Variants in ZBTB40 observed in about 807,000 individuals in gnomAD.
The protein encoded by ZBTB40 is zinc finger and BTB domain-containing protein 40.
In ZBTB40, 60 loss-of-function variants were observed where a neutral mutation model predicts 117.5. That is an observed-to-expected ratio of 0.51 (90% confidence interval 0.41 to 0.63). ZBTB40 has a LOEUF of 0.63. Among genes scored for constraint, ZBTB40 ranks in the 30% least tolerant of loss-of-function variants. The pLI, the probability that ZBTB40 is intolerant of heterozygous loss-of-function variation, is 0.00. For synonymous variants in ZBTB40, 525 were observed against 577.1 expected, an observed-to-expected ratio of 0.91 and a Z score of 1.29; for missense variants, 1,287 against 1,498.5, an observed-to-expected ratio of 0.86 and a Z score of 2.33.
intron 1 of ZBTB40, among the ~76,000 whole-genome samples, chr1:22,433,628 G>T (rs897496328): frequency 2.7e-5 from 4 of 146,338 alleles, no homozygotes; most frequent in African/African-American, 1.0e-4. Context: ...GATATACGGG[G>T]GTGGAGGGTT....
At chr1:22,454,308 A>AT (rs1301100670) in intron 1 of ZBTB40, among the ~76,000 whole-genome samples, 1 of 152,228 alleles carries the variant, frequency 6.6e-6, no homozygotes, top group African/African-American at 2.4e-5. Context: ...AGGTCCTGTG[A>AT]TTACCAGGGT....
chr1:22,469,028 T>C (rs1641336407), intron 1 of ZBTB40, among the ~76,000 whole-genome samples: 1 of 151,886 alleles, frequency 6.6e-6, no homozygotes, highest in Admixed American at 6.6e-5. Context: ...GGAGTGTCAC[T>C]ATGTTGCCCA....
intron 1 of ZBTB40, among the ~76,000 whole-genome samples, chr1:22,438,005 C>T (rs891302942): frequency 6.6e-5 from 10 of 152,146 alleles, no homozygotes; most frequent in Non-Finnish European, 1.3e-4. Flanking sequence ...TGGTACATGC[C>T]GGTAATCCCA....
At chr1:22,488,380 C>A (rs530959902) in intron 1 of ZBTB40, among the ~76,000 whole-genome samples, 1 of 152,058 alleles carries the variant, frequency 6.6e-6, no homozygotes, top group African/African-American at 2.4e-5. Context: ...GACGAAGGAG[C>A]GGGATGTTCT....
intron 14 of ZBTB40, among the ~76,000 whole-genome samples, chr1:22,520,616 G>A (rs1639496894): frequency 6.6e-6 from 1 of 152,172 alleles, no homozygotes; most frequent in Admixed American, 6.5e-5. Flanking sequence ...GCGGCAATGG[G>A]GAGTGGAACA....
rs112275864 is a variant in ZBTB40 at position 22,521,094 on chromosome 1, C to T, written c.3049-402C>T. On this transcript the variant is annotated intron_variant, in intron 14 of 17. Transcript: ENST00000375647. ...CCCTGGGAAGCCGTGAGATGCAGCTCACTGGTAAAGCACACAGGTGTTACA... is the reference window on the plus strand; with the variant it reads ...CCCTGGGAAGCCGTGAGATGCAGCTTACTGGTAAAGCACACAGGTGTTACA... 1.5e-3 allele frequency among the ~76,000 whole-genome samples: 229 copies of T among 152,380 alleles called. 1 individual carries two copies. Among genetic ancestry groups the T allele is most frequent in the African/African-American group, 5.2e-3 (218 of 41,596 alleles).
In ZBTB40 at chr1:22,437,370, CT is replaced by C. The variant is rs547016752; in HGVS notation, c.-70+8366del. ...CAGTCATGTTGGAGGAGTGCACATA[CT>C]TTTTTTTTTCGATTTTTTTATTGTG... On this transcript the variant is annotated intron_variant, in intron 1 of 8. Transcript: ENST00000650433. Among the ~76,000 whole-genome samples the C allele has an allele frequency of 9.4e-3, 1,384 of 147,510 alleles. 17 individuals carry two copies. The highest frequency in any genetic ancestry group is 0.033 in the African/African-American group (1,312 of 40,092).
intron 9 of ZBTB40, among the ~76,000 whole-genome samples, chr1:22,509,761 C>G (rs1281206086): frequency 6.6e-6 from 1 of 152,222 alleles, no homozygotes. Context: ...GACAAGGGTT[C>G]TCAGGCCCCA....
In ZBTB40 at chr1:22,509,166, T is replaced by TC; in HGVS notation, c.1768dup (p.Gln590ProfsTer5). ...CATAACCAGTTGATCTTGGAGGCCA[T>TC]CCAACAGAAGATTGAGTACAAGCTC... On this transcript the variant is annotated frameshift_variant, in exon 9 of 18. Coordinates refer to ENST00000375647, the MANE Select transcript of ZBTB40 (RefSeq NM_014870.4). LOFTEE classifies it high-confidence loss of function. The TC allele has an allele frequency of 6.2e-7, 1 of 1,614,088 alleles. No individual in the cohort carries two copies. Among genetic ancestry groups the TC allele is most frequent in the Non-Finnish European group, 8.5e-7 (1 of 1,180,020 alleles).
At chr1:22,481,986 T>C (rs1281353622) in intron 1 of ZBTB40, among the ~76,000 whole-genome samples, 2 of 151,852 alleles carry the variant, frequency 1.3e-5, no homozygotes, top group South Asian at 2.1e-4. Flanking sequence ...TTAAATCTTA[T>C]GGAATTTTCC....
At position 22,524,243 on chromosome 1, in the gene ZBTB40, C is replaced by T. The variant is rs2124476037; in HGVS notation, c.3324C>T (p.Tyr1108=). ...HSGSQPFRCL[Y]CAATFRFPGA... ...GGTCCCAGCCATTCCGGTGCTTGTA[C>T]TGTGCTGCTACTTTCCGTTTTCCTG... Residue 1108 remains tyrosine, a synonymous_variant, in exon 17 of 18, where the codon TAC becomes TAT. Coordinates refer to ENST00000375647, the MANE Select transcript of ZBTB40 (RefSeq NM_014870.4). 1 of 1,614,208 alleles carries T rather than the reference C, an allele frequency of 6.2e-7. No individual in the cohort carries two copies. The highest frequency in any genetic ancestry group is 8.5e-7 in the Non-Finnish European group (1 of 1,180,030).
chr1:22,450,609 G>A (rs1382128180), upstream of ZBTB40, among the ~76,000 whole-genome samples: 2 of 152,186 alleles, frequency 1.3e-5, no homozygotes, highest in Non-Finnish European at 2.9e-5. Flanking sequence ...AACAGAAAGG[G>A]CAACAGCTGG....
rs563680356 is a variant in ZBTB40, at chr1:22,444,180, C to T, written c.-70+15166C>T. ...GTAATCCCAGCACTTTGGGAGGCCA[C>T]GGCAAGTGGATCACTTGAGGTCAGG... On this transcript the variant is annotated intron_variant, in intron 1 of 8. Transcript: ENST00000650433. Among the ~76,000 whole-genome samples, 34 of 152,178 alleles carry T rather than the reference C, an allele frequency of 2.2e-4. No individual in the cohort carries two copies. The East Asian group carries it at 3.3e-3, about 15-fold the overall frequency.
At chr1:22,459,229 G>A (rs536473910) in intron 1 of ZBTB40, among the ~76,000 whole-genome samples, 5 of 152,122 alleles carry the variant, frequency 3.3e-5, no homozygotes, top group African/African-American at 9.6e-5. Flanking sequence ...CAGTCTTACC[G>A]TGTATTGCTT....
intron 1 of ZBTB40, among the ~76,000 whole-genome samples, chr1:22,437,872 T>TA (rs1553128476): frequency 1.3e-5 from 2 of 151,856 alleles, no homozygotes; most frequent in African/African-American, 2.4e-5. Flanking sequence ...ACGCCTGTAA[T>TA]CCAGCACTTT....
intron 12 of ZBTB40, among the ~76,000 whole-genome samples, chr1:22,515,442 A>G (rs921954140): frequency 6.6e-6 from 1 of 152,222 alleles, no homozygotes; most frequent in Non-Finnish European, 1.5e-5. Flanking sequence ...ATTCTGGAGG[A>G]TAGCAATCCA....
intron 6 of ZBTB40, 102 bp downstream of exon 6, chr1:22,506,343 A>G (rs1393886269): frequency 2.6e-6 from 3 of 1,173,108 alleles, no homozygotes; most frequent in Non-Finnish European, 3.8e-6. Flanking sequence ...AGATTATGTT[A>G]AGAAATGTCA....
intron 1 of ZBTB40, among the ~76,000 whole-genome samples, chr1:22,431,634 G>C (rs572960596): frequency 6.6e-6 from 1 of 151,766 alleles, no homozygotes; most frequent in Non-Finnish European, 1.5e-5. Flanking sequence ...TACTCGGGAG[G>C]CTGAGGCAGG....
At chr1:22,525,289 AAAAG>A (rs146967440) in intron 17 of ZBTB40, among the ~76,000 whole-genome samples, 2,813 of 152,336 alleles carry the variant, frequency 0.018, 91 homozygotes, top group African/African-American at 0.064. Context: ...TTCTAAAAGA[AAAAG>A]AAAGAAAAGC....
Sources: gnomAD v4.1 joint callset for allele counts (sites outside exome capture counted in the v4.1 genomes callset) on GRCh38, gnomAD v4.1.1 for gene constraint, MANE v1.5 for transcripts, NCBI Gene and HGNC (gene_info 2026-07-23, HGNC 2026-07-21) for gene names.